Variants in TIGAR observed in about 807,000 individuals in gnomAD.
TIGAR encodes the protein fructose-2,6-bisphosphatase TIGAR.
TIGAR carries 7 observed loss-of-function variants against 17.9 expected under a neutral mutation model. The observed-to-expected ratio is 0.39, with a 90% CI of 0.22 to 0.73. The LOEUF (loss-of-function observed/expected upper bound fraction) is 0.73, where lower values mean the gene tolerates loss of function less well. Among genes scored for constraint, TIGAR ranks in the 30% least tolerant of loss-of-function variants. TIGAR has a pLI of 0.42. For missense variants in TIGAR, 258 were observed against 327.4 expected (o/e 0.79, Z 1.64); for synonymous variants, 94 against 108.6 (o/e 0.87, Z 0.84).
At position 4,352,428 on chromosome 12, in the gene TIGAR, A is replaced by G; in HGVS notation, c.550A>G (p.Ser184Gly). ...TCACAGCTCTAAAGTTAATTCAGAC[A>G]GCGGTATTCCAGGATTAGCAGCCAG... ...KNHSSKVNSD[S>G]GIPGLAASVL... The change falls in exon 6 of 6, where the codon AGC becomes GGC. Residue 184 changes from serine (S) to glycine (G), a missense_variant. By Grantham distance (56) the Ser-to-Gly change is moderately conservative (BLOSUM62 0). Transcript: ENST00000179259. The G allele has an allele frequency of 6.2e-7, 1 of 1,614,204 alleles. No individual in the cohort carries two copies. The highest frequency in any genetic ancestry group is 8.5e-7 in the Non-Finnish European group (1 of 1,180,042).
intron 2 of TIGAR, among the ~76,000 whole-genome samples, chr12:4,334,905 A>G (rs2120662676): frequency 6.6e-6 from 1 of 151,344 alleles, no homozygotes; most frequent in Admixed American, 6.6e-5. Flanking sequence ...TTCAATTTTG[A>G]TATTCTTTAG....
rs1275821169 is a variant in TIGAR, at chr12:4,353,556, G to T, written c.*865G>T. 6.6e-6 allele frequency: 1 copy of T among 152,378 alleles called. No homozygotes were observed. Among genetic ancestry groups the T allele is most frequent in the Non-Finnish European group, 1.5e-5 (1 of 68,198 alleles). The allele number at this position is 152,378 out of a possible 1,614,324, so 9.4% of individuals were successfully genotyped here. A position where few individuals can be genotyped will look rare whatever the true frequency, so the allele number is the denominator to read the frequency against. On this transcript the variant is annotated 3_prime_UTR_variant, in exon 6 of 6. Transcript: ENST00000179259. ...TTCTTTGTAAAGAATGGTGCTCTGG[G>T]CCGGGCCCAGTGGCTCACACCTGTA...
At chr12:4,343,893 A>G (rs1294863792) in intron 3 of TIGAR, among the ~76,000 whole-genome samples, 3 of 152,246 alleles carry the variant, frequency 2.0e-5, no homozygotes, top group African/African-American at 7.2e-5. Flanking sequence ...GCAGAACTGG[A>G]GGAGACAGAG....
intron 3 of TIGAR, 60 bp downstream of exon 3, chr12:4,337,220 G>A (rs556758276): frequency 3.1e-5 from 41 of 1,323,444 alleles, no homozygotes; most frequent in Admixed American, 1.2e-4. Context: ...AGGCTGGAGT[G>A]CAGTGGTGCA....
chr12:4,332,914 AT>A (rs1555092467), intron 2 of TIGAR, among the ~76,000 whole-genome samples: 1 of 152,214 alleles, frequency 6.6e-6, no homozygotes, highest in Non-Finnish European at 1.5e-5. Flanking sequence ...TGAGTGCAGT[AT>A]TTTTAATTTC....
At chr12:4,351,906 C>T (rs971263098) in intron 5 of TIGAR, among the ~76,000 whole-genome samples, 1 of 152,184 alleles carries the variant, frequency 6.6e-6, no homozygotes, top group East Asian at 1.9e-4. Flanking sequence ...GCTGTTGTTC[C>T]AGTGGCACTG....
chr12:4,331,361 A>G, intron 2 of TIGAR, 44 bp downstream of exon 2: 12 of 1,583,126 alleles, frequency 7.6e-6, no homozygotes, highest in Non-Finnish European at 1.0e-5. Context: ...CCCTTGTGTT[A>G]ATAAGATGTG....
chr12:4,347,502 T>C (rs2120686663), intron 3 of TIGAR, among the ~76,000 whole-genome samples: 1 of 152,292 alleles, frequency 6.6e-6, no homozygotes, highest in South Asian at 2.1e-4. Flanking sequence ...AGGGTGGCTA[T>C]AGTCAATAAC....
At chr12:4,346,705 G>C (rs1052513245) in intron 3 of TIGAR, among the ~76,000 whole-genome samples, 1 of 151,960 alleles carries the variant, frequency 6.6e-6, no homozygotes, top group African/African-American at 2.4e-5. Context: ...GTATACATAT[G>C]TAACAAACCT....
chr12:4,330,735 G>C (rs576577258), intron 1 of TIGAR, among the ~76,000 whole-genome samples: 1 of 152,144 alleles, frequency 6.6e-6, no homozygotes, highest in Non-Finnish European at 1.5e-5. Context: ...TCAAACCTCA[G>C]TTCAGTGTGC....
chr12:4,351,183 A>G, intron 4 of TIGAR, 84 bp from the exon 5 acceptor site: 2 of 1,225,252 alleles, frequency 1.6e-6, no homozygotes, highest in Non-Finnish European at 1.2e-6. Context: ...CCTGGGATGA[A>G]TGTTCTAAAT....
At position 4,359,043 on chromosome 12, in the gene TIGAR, A is replaced by G. The variant is rs1401445961; in HGVS notation, c.*6352A>G. ...AGGAGGGACAGGACGTTGTATCAAT[A>G]TGTCTGGTTCCTCATTAAATTTGCA... On this transcript the variant is annotated 3_prime_UTR_variant, in exon 6 of 6. Transcript: ENST00000179259. Among the ~76,000 whole-genome samples, 1 of 151,540 alleles carries G rather than the reference A, an allele frequency of 6.6e-6. No homozygotes were observed. The highest frequency in any genetic ancestry group is 2.4e-5 in the African/African-American group (1 of 41,264).
rs1263632096 is a variant in TIGAR, at chr12:4,343,693, G to C, written c.193-6126G>C. 5.3e-5 allele frequency among the ~76,000 whole-genome samples: 8 copies of C among 152,126 alleles called. No individual in the cohort carries two copies. In the South Asian group the frequency reaches 8.3e-4, roughly 16 times the overall value. On this transcript the variant is annotated intron_variant, in intron 3 of 5. Coordinates refer to ENST00000179259, the MANE Select transcript of TIGAR (RefSeq NM_020375.3). Reference sequence around the variant, plus strand: ...TCTTTGAAACCAATGAGAACAAAGAGACAACATACCAGAATCTCTGGGACA... The same window carrying C: ...TCTTTGAAACCAATGAGAACAAAGACACAACATACCAGAATCTCTGGGACA...
At chr12:4,349,936 A>T (rs779162488) in intron 4 of TIGAR, 40 bp downstream of exon 4, 2 of 1,388,848 alleles carry the variant, frequency 1.4e-6, no homozygotes, top group Non-Finnish European at 2.0e-6. Context: ...CCCATAAATT[A>T]TCAGTAAGCC....
At chr12:4,324,669 C>T (rs987158494) in intron 1 of TIGAR, 3 of 1,148,682 alleles carry the variant, frequency 2.6e-6, no homozygotes, top group Non-Finnish European at 3.8e-6. Flanking sequence ...GCCGCAGGCC[C>T]GGGTTCACTT....
rs1864862375 is a variant in TIGAR at position 4,353,647 on chromosome 12, C to CT, written c.*956_*957insT. 6.6e-6 allele frequency: 1 copy of CT among 152,294 alleles called. No homozygotes were observed. Among genetic ancestry groups the CT allele is most frequent in the African/African-American group, 2.4e-5 (1 of 41,438 alleles). 9.4% of individuals were successfully genotyped at this position (152,294 alleles called of 1,614,324 possible). On this transcript the variant is annotated 3_prime_UTR_variant, in exon 6 of 6. Transcript: ENST00000179259. ...GTCAGGAATTCTAGACCAGCCTGGC[C>CT]AACAATGGTGAAACCCTGTCTCTAC...
chr12:4,348,347 A>T lies in TIGAR; in HGVS notation c.193-1472A>T, dbSNP rs977876068. 2.0e-5 allele frequency among the ~76,000 whole-genome samples: 3 copies of T among 152,178 alleles called. No individual in the cohort carries two copies. The South Asian group carries it at 6.2e-4, about 32-fold the overall frequency. ...AGTGTACCAAATCCCAACCAGGATA[A>T]GTAAAGAAACCCATATCTACATTCA... On this transcript the variant is annotated intron_variant, in intron 3 of 5. Transcript: ENST00000179259.
At chr12:4,348,375 A>G (rs988456786) in intron 3 of TIGAR, among the ~76,000 whole-genome samples, 7 of 152,232 alleles carry the variant, frequency 4.6e-5, no homozygotes, top group Non-Finnish European at 5.9e-5. Context: ...TACATTCATT[A>G]TAGCAAAATT....
At chr12:4,324,900 T>C (rs1864526248) in intron 1 of TIGAR, 2 of 396,606 alleles carry the variant, frequency 5.0e-6, no homozygotes, top group African/African-American at 2.1e-5. Flanking sequence ...TAATATACTT[T>C]TAATGATTTA....
Sources: gnomAD v4.1 joint callset for allele counts (sites outside exome capture counted in the v4.1 genomes callset) on GRCh38, gnomAD v4.1.1 for gene constraint, MANE v1.5 for transcripts, NCBI Gene and HGNC (gene_info 2026-07-23, HGNC 2026-07-21) for gene names.